Variants in CPEB3 observed in about 807,000 individuals in gnomAD.
CPEB3 encodes the protein cytoplasmic polyadenylation element-binding protein 3.
CPEB3 carries 20 observed loss-of-function variants against 67.2 expected under a neutral mutation model. The observed-to-expected ratio is 0.30, with a 90% CI of 0.21 to 0.43. The LOEUF (loss-of-function observed/expected upper bound fraction) is 0.43. CPEB3 is among the 20% of genes least tolerant of loss of function. The pLI, the probability that CPEB3 is intolerant of heterozygous loss-of-function variation, is 1.00. For synonymous variants in CPEB3, 376 were observed against 393.1 expected (o/e 0.96, Z 0.51); for missense variants, 746 against 968.6 (o/e 0.77, Z 3.05).
At chr10:92,120,790 G>A (rs1460055410) in intron 6 of CPEB3, among the ~76,000 whole-genome samples, 3 of 150,974 alleles carry the variant, frequency 2.0e-5, no homozygotes, top group African/African-American at 4.9e-5. Flanking sequence ...AACCTCTGCC[G>A]CCTGGGTTCA....
At chr10:92,172,468 CATTT>C (rs1441496825) in intron 4 of CPEB3, among the ~76,000 whole-genome samples, 1 of 152,156 alleles carries the variant, frequency 6.6e-6, no homozygotes, top group Admixed American at 6.6e-5. Context: ...AATAAAGTAT[CATTT>C]ATTTAATAGT....
chr10:92,168,888 C>T (rs1386900526), intron 4 of CPEB3, among the ~76,000 whole-genome samples: 1 of 150,954 alleles, frequency 6.6e-6, no homozygotes. Flanking sequence ...CTCTGCCTCC[C>T]AGGTTCAAGC....
At chr10:92,062,583 AAC>A (rs1842397120) in intron 9 of CPEB3, among the ~76,000 whole-genome samples, 1 of 152,220 alleles carries the variant, frequency 6.6e-6, no homozygotes, top group Non-Finnish European at 1.5e-5. Flanking sequence ...TGCTCTATAA[AAC>A]AGTTTCTGAA....
At chr10:92,153,870 T>G (rs1375084865) in intron 4 of CPEB3, among the ~76,000 whole-genome samples, 1 of 152,182 alleles carries the variant, frequency 6.6e-6, no homozygotes, top group African/African-American at 2.4e-5. Context: ...AAACTCATAC[T>G]CATGTAAATG....
In CPEB3 at chr10:92,116,511, A is replaced by T. The variant is rs192078657; in HGVS notation, c.1454-5317T>A. Among the ~76,000 whole-genome samples, 119 of 152,204 alleles carry T rather than the reference A, an allele frequency of 7.8e-4. 1 individual carries two copies. The highest frequency in any genetic ancestry group is 2.7e-3 in the African/African-American group (113 of 41,568). On this transcript the variant is annotated intron_variant, in intron 6 of 9. Transcript: ENST00000265997. The stretch of plus-strand genomic sequence containing the variant: ...TTTAATATATTTTAAAGTAAAAACC[A>T]ATTATGCCTATAAACAGAGCTTCTC...
At chr10:92,286,459 C>T (rs1842529297) in intron 1 of CPEB3, among the ~76,000 whole-genome samples, 1 of 151,736 alleles carries the variant, frequency 6.6e-6, no homozygotes, top group Non-Finnish European at 1.5e-5. Context: ...GTGATGCATG[C>T]CTGTGATCCC....
chr10:92,248,071 G>C (rs947361003), intron 1 of CPEB3, among the ~76,000 whole-genome samples: 1 of 152,004 alleles, frequency 6.6e-6, no homozygotes, highest in Non-Finnish European at 1.5e-5. Context: ...GTTATTCCTC[G>C]GTATCTTGTG....
At chr10:92,206,659 A>G (rs539351851) in intron 2 of CPEB3, among the ~76,000 whole-genome samples, 10 of 152,304 alleles carry the variant, frequency 6.6e-5, no homozygotes, top group African/African-American at 2.4e-4. Context: ...TAGGCAATAA[A>G]TGTTTCTATG....
intron 1 of CPEB3, among the ~76,000 whole-genome samples, chr10:92,262,903 T>C (rs952568354): frequency 6.6e-6 from 1 of 152,126 alleles, no homozygotes; most frequent in Non-Finnish European, 1.5e-5. Flanking sequence ...CACTGCAGTC[T>C]TGACTCCAAG....
chr10:92,197,270 T>G (rs74763599), intron 2 of CPEB3, among the ~76,000 whole-genome samples: 3,410 of 152,328 alleles, frequency 0.022, 46 homozygotes, highest in Middle Eastern at 0.082. Flanking sequence ...TTATATTTGA[T>G]GCATACCATT....
intron 2 of CPEB3, among the ~76,000 whole-genome samples, chr10:92,203,774 C>T (rs1453621007): frequency 4.0e-5 from 6 of 151,886 alleles, no homozygotes; most frequent in African/African-American, 7.3e-5. Context: ...CCACTGACTG[C>T]GGCTTGACTT....
intron 6 of CPEB3, among the ~76,000 whole-genome samples, chr10:92,125,683 C>G (rs535446164): frequency 6.6e-6 from 1 of 152,056 alleles, no homozygotes; most frequent in East Asian, 1.9e-4. Flanking sequence ...ATCTTATCTT[C>G]CTAGTGGCCA....
chr10:92,249,499 C>T (rs1178550123), intron 1 of CPEB3, among the ~76,000 whole-genome samples: 2 of 151,632 alleles, frequency 1.3e-5, no homozygotes, highest in African/African-American at 4.8e-5. Context: ...ACAGTGTACT[C>T]TTTAGTAGAA....
At chr10:92,152,919 T>C (rs1847030214) in intron 4 of CPEB3, among the ~76,000 whole-genome samples, 1 of 152,194 alleles carries the variant, frequency 6.6e-6, no homozygotes, top group African/African-American at 2.4e-5. Flanking sequence ...AGACACTTAA[T>C]GAGTAAAATT....
chr10:92,095,596 A>T (rs1302446951), intron 7 of CPEB3, among the ~76,000 whole-genome samples: 5 of 82,518 alleles, frequency 6.1e-5, no homozygotes, highest in South Asian at 2.8e-4. Flanking sequence ...ATATATATAT[A>T]TATATTTTTT....
intron 1 of CPEB3, among the ~76,000 whole-genome samples, chr10:92,266,496 T>C (rs762637736): frequency 1.3e-5 from 2 of 152,150 alleles, no homozygotes; most frequent in Non-Finnish European, 2.9e-5. Context: ...TCAATACATT[T>C]ACTGAGCACC....
At chr10:92,247,362 C>A (rs1042200445) in intron 1 of CPEB3, among the ~76,000 whole-genome samples, 1 of 152,028 alleles carries the variant, frequency 6.6e-6, no homozygotes, top group Non-Finnish European at 1.5e-5. Flanking sequence ...GGACTACAGG[C>A]ACGCACCACC....
intron 9 of CPEB3, among the ~76,000 whole-genome samples, chr10:92,077,139 A>G (rs934822097): frequency 6.6e-6 from 1 of 152,188 alleles, no homozygotes; most frequent in African/African-American, 2.4e-5. Context: ...TTTCTGAAAA[A>G]GAAAAAGGGC....
intron 4 of CPEB3, among the ~76,000 whole-genome samples, chr10:92,179,589 C>T (rs547397209): frequency 2.6e-5 from 4 of 152,284 alleles, no homozygotes; most frequent in African/African-American, 9.6e-5. Context: ...AAGTTAGAGG[C>T]AGCATAATCT....
Sources: allele counts gnomAD v4.1 joint callset (sites outside exome capture counted in the v4.1 genomes callset), GRCh38; gene constraint gnomAD v4.1.1; transcripts MANE v1.5; gene names NCBI Gene and HGNC (gene_info 2026-07-23, HGNC 2026-07-21).